PTPRD: variants seen among roughly 807,000 people sequenced by gnomAD.
The protein encoded by PTPRD is receptor-type tyrosine-protein phosphatase delta.
A neutral mutation model predicts 214.5 loss-of-function variants in PTPRD; 34 were observed. The observed-to-expected ratio is 0.16, with a 90% CI of 0.12 to 0.21. PTPRD has a LOEUF of 0.21. PTPRD is among the 10% of genes least tolerant of loss of function. The probability of loss-of-function intolerance (pLI) is 1.00; values close to 1 mark genes in which losing one functional copy is unlikely to be tolerated. For missense variants in PTPRD, 2,545 were observed against 2,398.7 expected, an observed-to-expected ratio of 1.06 and a Z score of -1.27; for synonymous variants, 1,128 against 845.7, an observed-to-expected ratio of 1.33 and a Z score of -5.79.
intron 14 of PTPRD, among the ~76,000 whole-genome samples, chr9:8,531,802 T>C (rs999619883): frequency 6.6e-6 from 1 of 152,098 alleles, no homozygotes; most frequent in Non-Finnish European, 1.5e-5. Context: ...AGGCTTAAGA[T>C]TGTTAAGCCA....
At position 9,267,588 on chromosome 9, in the gene PTPRD, T is replaced by C. The variant is rs559166875; in HGVS notation, c.-202-84225A>G. Reference sequence around the variant, plus strand: ...AAAGGACACTACAAAGAAAGAAAATTACAAGCCAATATCCCTGGTGAGCAT... The same window carrying C: ...AAAGGACACTACAAAGAAAGAAAATCACAAGCCAATATCCCTGGTGAGCAT... On this transcript the variant is annotated intron_variant, in intron 9 of 45. Coordinates refer to ENST00000381196, the MANE Select transcript of PTPRD (RefSeq NM_002839.4). Among the ~76,000 whole-genome samples, 62 of 151,202 alleles carry C rather than the reference T, an allele frequency of 4.1e-4. 1 individual carries two copies. The highest frequency in any genetic ancestry group is 1.4e-3 in the African/African-American group (56 of 41,420).
At chr9:10,025,873 T>G (rs1166203299) in intron 4 of PTPRD, among the ~76,000 whole-genome samples, 1 of 152,150 alleles carries the variant, frequency 6.6e-6, no homozygotes, top group Non-Finnish European at 1.5e-5. Flanking sequence ...ACGGAACATT[T>G]CAACCTCACC....
rs914411519 is a variant in PTPRD at position 9,347,321 on chromosome 9, A to AAT, written c.-203+50126_-203+50127dup. Among the ~76,000 whole-genome samples the AAT allele has an allele frequency of 7.5e-4, 112 of 149,110 alleles. 1 individual carries two copies. Among genetic ancestry groups the AAT allele is most frequent in the East Asian group, 4.1e-3 (21 of 5,122 alleles). Reference sequence around the variant, plus strand: ...GACTCTCTCTATGTGTATATATATAAATATATATATATATCTATATATCTA... The same window carrying AAT: ...GACTCTCTCTATGTGTATATATATAAATATATATATATATATCTATATATCTA... On this transcript the variant is annotated intron_variant, in intron 9 of 45. Coordinates refer to ENST00000381196, the MANE Select transcript of PTPRD (RefSeq NM_002839.4).
intron 7 of PTPRD, among the ~76,000 whole-genome samples, chr9:9,613,751 C>A (rs146992554): frequency 2.4e-4 from 37 of 152,300 alleles, no homozygotes; most frequent in African/African-American, 8.7e-4. Context: ...AGGCCCACCC[C>A]CTAGTCTACT....
chr9:8,317,438 T>A lies in PTPRD; in HGVS notation c.*436A>T, dbSNP rs1822758888. On this transcript the variant is annotated 3_prime_UTR_variant, in exon 46 of 46. Coordinates refer to ENST00000381196, the MANE Select transcript of PTPRD (RefSeq NM_002839.4). Reference sequence around the variant, plus strand: ...CCCCCTAAAATGTTATTATGAGCAGTATGGTGGGAAGGGGCGATGTCAAAG... The same window carrying A: ...CCCCCTAAAATGTTATTATGAGCAGAATGGTGGGAAGGGGCGATGTCAAAG... 1 of 238,048 alleles carries A rather than the reference T, an allele frequency of 4.2e-6. No individual in the cohort carries two copies. Among genetic ancestry groups the A allele is most frequent in the Non-Finnish European group, 8.3e-6 (1 of 120,204 alleles). 14.7% of individuals were successfully genotyped at this position (238,048 alleles called of 1,614,324 possible).
chr9:10,423,027 T>C (rs1166136084), intron 2 of PTPRD, among the ~76,000 whole-genome samples: 1 of 152,140 alleles, frequency 6.6e-6, no homozygotes, highest in Non-Finnish European at 1.5e-5. Flanking sequence ...GTGGCACTAT[T>C]CACAATAGCA....
At position 8,544,889 on chromosome 9, in the gene PTPRD, C is replaced by CTT. The variant is rs869280997; in HGVS notation, c.353-16112_353-16111dup. On this transcript the variant is annotated intron_variant, in intron 14 of 45. Transcript: ENST00000381196. The stretch of plus-strand genomic sequence containing the variant: ...CAGCTGGGTCATACTAAAGACAGTC[C>CTT]TTTTTTTTTTTTTTTTTTTTTTAAT... Among the ~76,000 whole-genome samples, 1,083 of 118,672 alleles carry CTT rather than the reference C, an allele frequency of 9.1e-3. 18 individuals are homozygous for CTT. The highest frequency in any genetic ancestry group is 0.03 in the African/African-American group (933 of 30,606). The allele number at this position is 118,672 out of a possible 152,430, so 77.9% of individuals were successfully genotyped here.
chr9:9,947,566 A>ATATATATAATATATATATATTT (rs2092914801), intron 4 of PTPRD, among the ~76,000 whole-genome samples: 3 of 29,674 alleles, frequency 1.0e-4, no homozygotes, highest in African/African-American at 4.5e-4. Flanking sequence ...TATATATTTT[A>ATATATATAATATATATATATTT]TATATATATT....
chr9:9,800,192 C>G (rs1306413952), intron 5 of PTPRD, among the ~76,000 whole-genome samples: 1 of 152,024 alleles, frequency 6.6e-6, no homozygotes, highest in African/African-American at 2.4e-5. Context: ...GTTTGATTAG[C>G]CAGGCGGGGT....
At chr9:8,767,543 C>G (rs936132868) in intron 11 of PTPRD, among the ~76,000 whole-genome samples, 1 of 152,090 alleles carries the variant, frequency 6.6e-6, no homozygotes, top group East Asian at 1.9e-4. Context: ...TAGAAAATAT[C>G]TGAGTGACTA....
chr9:8,972,257 G>C (rs2050973665), intron 11 of PTPRD, among the ~76,000 whole-genome samples: 1 of 151,794 alleles, frequency 6.6e-6, no homozygotes, highest in Admixed American at 6.6e-5. Flanking sequence ...AATTTTAGTT[G>C]AGAGCCACTG....
In PTPRD at chr9:8,774,225, G is replaced by A. The variant is rs1458535073; in HGVS notation, c.-103-40279C>T. On this transcript the variant is annotated intron_variant, in intron 11 of 45. Transcript: ENST00000381196. ...TGATACTTGCATTTTCAACCAATAT[G>A]CTCAATTTGGTTTCCTTCAACGTCC... Among the ~76,000 whole-genome samples the A allele has an allele frequency of 1.5e-4, 23 of 148,674 alleles. No homozygotes were observed. In the Admixed American group the frequency reaches 1.6e-3, roughly 10 times the overall value.
intron 9 of PTPRD, among the ~76,000 whole-genome samples, chr9:9,282,004 C>A (rs1947876644): frequency 6.6e-6 from 1 of 151,264 alleles, no homozygotes; most frequent in African/African-American, 2.4e-5. Context: ...AGAAGCCAAT[C>A]TGAAAAGCTA....
intron 7 of PTPRD, among the ~76,000 whole-genome samples, chr9:9,675,228 T>C (rs1326003639): frequency 2.0e-5 from 3 of 151,930 alleles, no homozygotes; most frequent in Non-Finnish European, 4.4e-5. Context: ...TAAAAACATT[T>C]TGAACTTAAT....
At chr9:8,356,048 T>C (rs6477295) in intron 39 of PTPRD, among the ~76,000 whole-genome samples, 90,490 of 152,070 alleles carry the variant, frequency 0.6, 29,859 homozygotes, top group Non-Finnish European at 0.76. Context: ...CTTAGCAATG[T>C]AAAGTTCAAT....
chr9:8,837,052 G>A (rs1232448865), intron 11 of PTPRD, among the ~76,000 whole-genome samples: 2 of 132,360 alleles, frequency 1.5e-5, no homozygotes, highest in African/African-American at 5.7e-5. Context: ...TTGAGATGGA[G>A]TCTCGCTGTG....
At chr9:9,413,937 A>G (rs1353245894) in intron 8 of PTPRD, among the ~76,000 whole-genome samples, 1 of 152,240 alleles carries the variant, frequency 6.6e-6, no homozygotes, top group Non-Finnish European at 1.5e-5. Context: ...ACTTTAGGGA[A>G]TGAATCCACA....
intron 5 of PTPRD, among the ~76,000 whole-genome samples, chr9:9,790,528 T>C (rs1295607206): frequency 2.6e-5 from 4 of 152,228 alleles, no homozygotes; most frequent in Non-Finnish European, 5.9e-5. Context: ...TTGTAAGTTA[T>C]TCTGTTGCTA....
intron 11 of PTPRD, among the ~76,000 whole-genome samples, chr9:8,970,753 G>C (rs1406550901): frequency 2.6e-5 from 4 of 151,698 alleles, no homozygotes; most frequent in African/African-American, 4.8e-5. Flanking sequence ...CTAAGTTCAA[G>C]CAAAATTTTC....
Sources: allele counts gnomAD v4.1 joint callset (sites outside exome capture counted in the v4.1 genomes callset), GRCh38; gene constraint gnomAD v4.1.1; transcripts MANE v1.5; gene names NCBI Gene and HGNC (gene_info 2026-07-23, HGNC 2026-07-21).